GABRG1: variants seen among roughly 807,000 people sequenced by gnomAD.
The protein encoded by GABRG1 is gamma-aminobutyric acid type A receptor subunit gamma1, also known as gamma-aminobutyric acid receptor subunit gamma-1.
Under a neutral mutation model 49.8 loss-of-function variants are expected in GABRG1, and 49 were observed. The ratio of observed to expected loss-of-function variants is 0.98; its 90% CI spans 0.78 to 1.25. GABRG1 has a LOEUF of 1.25. GABRG1 is among the 50% of genes most tolerant of loss of function. GABRG1 has a pLI of 0.00. For missense variants in GABRG1, 552 were observed against 552.3 expected, an observed-to-expected ratio of 1.00 and a Z score of 0.01; for synonymous variants, 232 against 185.1, an observed-to-expected ratio of 1.25 and a Z score of -2.06.
intron 1 of GABRG1, among the ~76,000 whole-genome samples, chr4:46,100,792 T>C (rs1207931096): frequency 6.6e-6 from 1 of 150,424 alleles, no homozygotes; most frequent in African/African-American, 2.4e-5. Context: ...GATACTAGTT[T>C]ATATTGCCCT....
chr4:46,106,244 G>A (rs182412083), intron 1 of GABRG1, among the ~76,000 whole-genome samples: 30 of 151,490 alleles, frequency 2.0e-4, no homozygotes, highest in African/African-American at 5.8e-4. Flanking sequence ...AGTGCAGCCC[G>A]TTGGCATAGC....
intron 2 of GABRG1, among the ~76,000 whole-genome samples, chr4:46,090,996 G>T (rs1050136756): frequency 7.6e-6 from 1 of 131,162 alleles, no homozygotes. Flanking sequence ...ACACACACAC[G>T]GAATTTAATC....
At chr4:46,111,591 T>G (rs1015310525) in intron 1 of GABRG1, among the ~76,000 whole-genome samples, 2 of 151,302 alleles carry the variant, frequency 1.3e-5, no homozygotes, top group African/African-American at 4.8e-5. Context: ...TATTTTAAAC[T>G]ATATGAAAAG....
At chr4:46,084,914 A>G (rs2109423490) in intron 2 of GABRG1, among the ~76,000 whole-genome samples, 1 of 151,716 alleles carries the variant, frequency 6.6e-6, no homozygotes. Flanking sequence ...TAAGACTTGT[A>G]GCCAATAAAT....
intron 3 of GABRG1, among the ~76,000 whole-genome samples, chr4:46,066,846 T>A (rs1168473515): frequency 1.3e-5 from 2 of 151,166 alleles, no homozygotes; most frequent in African/African-American, 4.9e-5. Flanking sequence ...ATATATATTA[T>A]ATATATGTAC....
rs1197858316 is a variant in GABRG1 at position 46,039,433 on chromosome 4, T to C, written c.*1555A>G. The C allele has an allele frequency of 2.0e-5, 3 of 151,650 alleles. No homozygotes were observed. The highest frequency in any genetic ancestry group is 6.6e-5 in the Admixed American group (1 of 15,148). The allele number at this position is 151,650 out of a possible 1,614,324, so 9.4% of individuals were successfully genotyped here. ...TACACGTGTATAATCATGCCAGACATTCACTAACCACGCAGCGGAATTATA... is the reference window on the plus strand; with the variant it reads ...TACACGTGTATAATCATGCCAGACACTCACTAACCACGCAGCGGAATTATA... On this transcript the variant is annotated 3_prime_UTR_variant, in exon 9 of 9. Transcript: ENST00000295452.
rs1717533085 is a variant in GABRG1 at position 46,036,522 on chromosome 4, T to C, written c.*4466A>G. 6.6e-6 allele frequency: 1 copy of C among 151,956 alleles called. No homozygotes were observed. The highest frequency in any genetic ancestry group is 2.4e-5 in the African/African-American group (1 of 41,440). The allele number at this position is 151,956 out of a possible 1,614,324, so 9.4% of individuals were successfully genotyped here. A position where few individuals can be genotyped will look rare whatever the true frequency, so the allele number is the denominator to read the frequency against. On this transcript the variant is annotated 3_prime_UTR_variant, in exon 9 of 9. Coordinates refer to ENST00000295452, the MANE Select transcript of GABRG1 (RefSeq NM_173536.4). ...TTACATTCAGAATTTCCTTATGGTG[T>C]CTTTGTACCCATCTACATGCAAGCA...
At chr4:46,103,146 A>T (rs1445582139) in intron 1 of GABRG1, among the ~76,000 whole-genome samples, 1 of 151,556 alleles carries the variant, frequency 6.6e-6, no homozygotes, top group Non-Finnish European at 1.5e-5. Flanking sequence ...TTCTTCCATT[A>T]ATCTGTTAAG....
At chr4:46,071,002 A>G (rs1217311690) in intron 3 of GABRG1, among the ~76,000 whole-genome samples, 1 of 152,092 alleles carries the variant, frequency 6.6e-6, no homozygotes, top group Non-Finnish European at 1.5e-5. Context: ...TCAGTCAATG[A>G]TGTACAACGT....
Position 46,058,555 on chromosome 4 carries a change from T to A in GABRG1, c.693A>T (p.Lys231Asn), listed in dbSNP as rs1164961509. 6.2e-7 allele frequency: 1 copy of A among 1,613,122 alleles called. No individual in the cohort carries two copies. Among genetic ancestry groups the A allele is most frequent in the South Asian group, 1.1e-5 (1 of 91,048 alleles). ...ATGCAAACTGATATAATCTCCAGTATTTAGGATCAGCCACTTCTACGGAGG... is the reference window on the plus strand; with the variant it reads ...ATGCAAACTGATATAATCTCCAGTAATTAGGATCAGCCACTTCTACGGAGG... ...KKPSVEVADP[K>N]YWRLYQFAFV... Residue 231 changes from lysine (K) to asparagine (N), a missense_variant, in exon 6 of 9, where the codon AAA becomes AAT. Physicochemically the swap from Lys to Asn is moderately conservative, Grantham distance 94. Coordinates refer to ENST00000295452, the MANE Select transcript of GABRG1 (RefSeq NM_173536.4).
chr4:46,093,302 A>G (rs569474152), intron 2 of GABRG1, among the ~76,000 whole-genome samples: 93 of 152,154 alleles, frequency 6.1e-4, no homozygotes, highest in African/African-American at 2.1e-3. Context: ...TGTCATTTGC[A>G]ACAACATGGA....
At chr4:46,075,734 A>G (rs1298102076) in intron 3 of GABRG1, among the ~76,000 whole-genome samples, 1 of 152,130 alleles carries the variant, frequency 6.6e-6, no homozygotes. Flanking sequence ...CTTGCTATAT[A>G]AAGAAAATTC....
At chr4:46,085,689 A>C (rs978216086) in intron 2 of GABRG1, among the ~76,000 whole-genome samples, 27 of 151,580 alleles carry the variant, frequency 1.8e-4, no homozygotes, top group East Asian at 7.8e-4. Context: ...AAGAAAAAAA[A>C]CCAGAAATCT....
At chr4:46,118,456 C>T (rs1484055576) in intron 1 of GABRG1, among the ~76,000 whole-genome samples, 1 of 150,822 alleles carries the variant, frequency 6.6e-6, no homozygotes, top group Non-Finnish European at 1.5e-5. Flanking sequence ...ATTGTGTTTA[C>T]TTGTTTATGT....
intron 1 of GABRG1, among the ~76,000 whole-genome samples, chr4:46,108,743 G>A (rs1720635058): frequency 6.6e-6 from 1 of 150,870 alleles, no homozygotes; most frequent in Non-Finnish European, 1.5e-5. Flanking sequence ...TATAAGGTAG[G>A]CATTTTACCC....
At chr4:46,097,957 G>T (rs983910411) in intron 1 of GABRG1, among the ~76,000 whole-genome samples, 1 of 151,578 alleles carries the variant, frequency 6.6e-6, no homozygotes, top group African/African-American at 2.4e-5. Flanking sequence ...ATTATCAATA[G>T]GTGACTCATC....
rs1717529458 is a variant in GABRG1 at position 46,036,442 on chromosome 4, T to G, written c.*4546A>C. On this transcript the variant is annotated 3_prime_UTR_variant, in exon 9 of 9. Transcript: ENST00000295452. ...GGATTTACATTTCAGATTATTTTTTTCTTCATCTTTTATGTGTGAAAAAGA... is the reference window on the plus strand; with the variant it reads ...GGATTTACATTTCAGATTATTTTTTGCTTCATCTTTTATGTGTGAAAAAGA... 6.6e-6 allele frequency: 1 copy of G among 151,986 alleles called. No individual in the cohort carries two copies. Among genetic ancestry groups the G allele is most frequent in the East Asian group, 1.9e-4 (1 of 5,192 alleles). The allele number at this position is 151,986 out of a possible 1,614,324, so 9.4% of individuals were successfully genotyped here.
At chr4:46,085,955 T>C (rs947610494) in intron 2 of GABRG1, among the ~76,000 whole-genome samples, 1 of 151,532 alleles carries the variant, frequency 6.6e-6, no homozygotes, top group African/African-American at 2.4e-5. Context: ...AATAACATCT[T>C]GAAAGTAAGC....
chr4:46,123,752 G>T, intron 1 of GABRG1, 58 bp downstream of exon 1: 2 of 1,211,400 alleles, frequency 1.7e-6, no homozygotes, highest in Admixed American at 1.9e-5. Flanking sequence ...AAAGAAAGGG[G>T]AATAAGGGGA....
Sources: gnomAD v4.1 joint callset for allele counts (sites outside exome capture counted in the v4.1 genomes callset) on GRCh38, gnomAD v4.1.1 for gene constraint, MANE v1.5 for transcripts, NCBI Gene and HGNC (gene_info 2026-07-23, HGNC 2026-07-21) for gene names.